Variants in PTPRT observed in about 807,000 individuals in gnomAD.
PTPRT encodes protein tyrosine phosphatase receptor type T.
In PTPRT, 56 loss-of-function variants were observed where a neutral mutation model predicts 176.8. The observed-to-expected ratio is 0.32, with a 90% CI of 0.26 to 0.40. The LOEUF (loss-of-function observed/expected upper bound fraction) is 0.40. Ranked by LOEUF, PTPRT falls within the 10% of genes least tolerant of loss-of-function variation. PTPRT has a pLI of 1.00. For missense variants in PTPRT, 1,540 were observed against 1,908.2 expected, an observed-to-expected ratio of 0.81 and a Z score of 3.60; for synonymous variants, 783 against 739.0, an observed-to-expected ratio of 1.06 and a Z score of -0.96.
intron 1 of PTPRT, among the ~76,000 whole-genome samples, chr20:43,028,350 A>T (rs1464282484): frequency 6.6e-6 from 1 of 152,108 alleles, no homozygotes; most frequent in Admixed American, 6.5e-5. Context: ...CTTGATGCAT[A>T]GCAATATTTT....
At chr20:42,825,840 T>C (rs2077983415) in intron 2 of PTPRT, among the ~76,000 whole-genome samples, 1 of 152,182 alleles carries the variant, frequency 6.6e-6, no homozygotes, top group Non-Finnish European at 1.5e-5. Flanking sequence ...AGCCCGTATG[T>C]CCATCAGGTA....
At chr20:42,370,950 A>G (rs963311939) in intron 9 of PTPRT, among the ~76,000 whole-genome samples, 2 of 152,032 alleles carry the variant, frequency 1.3e-5, no homozygotes, top group Non-Finnish European at 2.9e-5. Flanking sequence ...TTCCCTCACT[A>G]CAGCATGATT....
intron 21 of PTPRT, among the ~76,000 whole-genome samples, chr20:42,117,559 T>C (rs1459406134): frequency 6.6e-6 from 1 of 151,892 alleles, no homozygotes; most frequent in African/African-American, 2.4e-5. Context: ...GATTTAGAGG[T>C]CAGGGGAAGA....
At chr20:42,735,034 C>T (rs2076518052) in intron 6 of PTPRT, among the ~76,000 whole-genome samples, 1 of 152,166 alleles carries the variant, frequency 6.6e-6, no homozygotes, top group Non-Finnish European at 1.5e-5. Context: ...CACAGTGTTC[C>T]AGAAGTGCTC....
intron 27 of PTPRT, among the ~76,000 whole-genome samples, chr20:42,093,946 G>A (rs3092588): frequency 0.62 from 94,221 of 152,118 alleles, 29,690 homozygotes; most frequent in African/African-American, 0.73. Flanking sequence ...TGCCAGCTGC[G>A]TATGGCAGCC....
chr20:42,466,501 T>G (rs1476128158), intron 8 of PTPRT, among the ~76,000 whole-genome samples: 1 of 152,184 alleles, frequency 6.6e-6, no homozygotes, highest in Non-Finnish European at 1.5e-5. Context: ...AGATAAAAAC[T>G]GAAATCTTTA....
chr20:43,178,357 A>G (rs992943316), intron 1 of PTPRT, among the ~76,000 whole-genome samples: 3 of 152,060 alleles, frequency 2.0e-5, no homozygotes, highest in Non-Finnish European at 2.9e-5. Flanking sequence ...CATTCCTGAC[A>G]CCCACCCCGC....
chr20:43,004,678 A>C (rs1984762674), intron 1 of PTPRT, among the ~76,000 whole-genome samples: 1 of 152,226 alleles, frequency 6.6e-6, no homozygotes, highest in Admixed American at 6.5e-5. Context: ...AGCATTATGC[A>C]CAATAGTGAA....
intron 6 of PTPRT, among the ~76,000 whole-genome samples, chr20:42,684,163 A>T: frequency 6.6e-6 from 1 of 151,868 alleles, no homozygotes; most frequent in Admixed American, 6.6e-5. Context: ...GACCAGCCTG[A>T]CCAACATGGT....
chr20:42,505,757 T>A (rs1027045426), intron 7 of PTPRT, among the ~76,000 whole-genome samples: 1 of 152,140 alleles, frequency 6.6e-6, no homozygotes, highest in Non-Finnish European at 1.5e-5. Flanking sequence ...TCTCTGCAAA[T>A]CAAGCTGTGG....
rs542956896 is a variant in PTPRT, at chr20:42,727,222, C to CA, written c.859+29239dup. On this transcript the variant is annotated intron_variant, in intron 6 of 30. Transcript: ENST00000373187. ...TCCATCCCCCCCGTTCCAATGCAAG[C>CA]AAAAAAAGAGGGTATGTCCCAAATT... Among the ~76,000 whole-genome samples the CA allele has an allele frequency of 1.3e-3, 192 of 151,710 alleles. 2 individuals are homozygous for CA. The East Asian group carries it at 0.023, about 18-fold the overall frequency.
intron 1 of PTPRT, among the ~76,000 whole-genome samples, chr20:43,093,855 C>T (rs2011991255): frequency 6.6e-6 from 1 of 152,110 alleles, no homozygotes; most frequent in Non-Finnish European, 1.5e-5. Context: ...CATGTCTGGG[C>T]CCCTGTGCTG....
intron 15 of PTPRT, among the ~76,000 whole-genome samples, chr20:42,219,660 G>A (rs535229306): frequency 7.2e-5 from 11 of 152,302 alleles, no homozygotes; most frequent in African/African-American, 2.6e-4. Flanking sequence ...AAGTTACAAT[G>A]TTATCATGTA....
chr20:42,561,928 C>T (rs2072958942), intron 7 of PTPRT, among the ~76,000 whole-genome samples: 1 of 152,170 alleles, frequency 6.6e-6, no homozygotes, highest in African/African-American at 2.4e-5. Context: ...GAACCTAGAG[C>T]TAGCTGTACC....
At chr20:42,294,467 C>A (rs2057359651) in intron 12 of PTPRT, among the ~76,000 whole-genome samples, 1 of 152,002 alleles carries the variant, frequency 6.6e-6, no homozygotes, top group South Asian at 2.1e-4. Flanking sequence ...AAAGTCAGAA[C>A]CTACACCCAT....
chr20:42,570,186 C>A (rs1389340449), intron 7 of PTPRT, among the ~76,000 whole-genome samples: 1 of 152,128 alleles, frequency 6.6e-6, no homozygotes, highest in African/African-American at 2.4e-5. Flanking sequence ...CCCATCTGTA[C>A]CTCCTTGACA....
At chr20:42,765,342 A>C (rs1186855925) in intron 5 of PTPRT, among the ~76,000 whole-genome samples, 1 of 152,118 alleles carries the variant, frequency 6.6e-6, no homozygotes, top group Non-Finnish European at 1.5e-5. Context: ...ACAGGAGGAC[A>C]CACATAAAAT....
At chr20:43,045,850 A>T (rs759301250) in intron 1 of PTPRT, among the ~76,000 whole-genome samples, 5 of 152,124 alleles carry the variant, frequency 3.3e-5, no homozygotes, top group Admixed American at 6.5e-5. Context: ...GCAATTACAG[A>T]TGACAAAGGT....
chr20:42,089,732 G>C (rs1471546914), intron 27 of PTPRT, among the ~76,000 whole-genome samples: 1 of 152,140 alleles, frequency 6.6e-6, no homozygotes, highest in East Asian at 1.9e-4. Flanking sequence ...TGATGTGCTG[G>C]CAAATGTGGT....
Sources: gnomAD v4.1 joint callset for allele counts (sites outside exome capture counted in the v4.1 genomes callset) on GRCh38, gnomAD v4.1.1 for gene constraint, MANE v1.5 for transcripts, NCBI Gene and HGNC (gene_info 2026-07-23, HGNC 2026-07-21) for gene names.